The following SCHIP1 variants were observed in gnomAD, a reference collection of about 807,000 sequenced individuals.
SCHIP1 encodes the protein schwannomin-interacting protein 1.
SCHIP1 carries 8 observed loss-of-function variants against 29.7 expected under a neutral mutation model. The ratio of observed to expected loss-of-function variants is 0.27; its 90% CI spans 0.16 to 0.49. SCHIP1 has a LOEUF of 0.49. Among genes scored for constraint, SCHIP1 ranks in the 20% least tolerant of loss-of-function variants. SCHIP1 has a pLI of 0.99. For missense variants in SCHIP1, 193 were observed against 294.6 expected (o/e 0.66, Z 2.52); for synonymous variants, 76 against 94.9 (o/e 0.80, Z 1.16).
chr3:159,799,218 G>GCACT, the SCHIP1 span, among the ~76,000 whole-genome samples: 29 of 152,310 alleles, frequency 1.9e-4, no homozygotes, highest in South Asian at 6.0e-3. Flanking sequence ...CACCACTGGG[G>GCACT]CACTCAGACA....
the SCHIP1 span, among the ~76,000 whole-genome samples, chr3:159,717,434 T>A: frequency 2.0e-5 from 3 of 151,942 alleles, no homozygotes; most frequent in African/African-American, 4.8e-5. Context: ...AATCAATGAA[T>A]CCAGGAGCTG....
chr3:159,365,052 T>G, the SCHIP1 span, among the ~76,000 whole-genome samples: 2 of 152,172 alleles, frequency 1.3e-5, no homozygotes, highest in Non-Finnish European at 2.9e-5. Flanking sequence ...GTATTTTATT[T>G]CATGGCAAGA....
At chr3:159,670,385 CT>C in the SCHIP1 span, among the ~76,000 whole-genome samples, 1 of 152,132 alleles carries the variant, frequency 6.6e-6, no homozygotes, top group African/African-American at 2.4e-5. Context: ...TTTCATTGCA[CT>C]TTTACAAAGT....
the SCHIP1 span, among the ~76,000 whole-genome samples, chr3:159,353,135 C>T: frequency 3.4e-4 from 51 of 151,914 alleles, no homozygotes; most frequent in African/African-American, 1.2e-3. Flanking sequence ...AGCTAGTTGC[C>T]CCTGTACATT....
chr3:159,664,460 G>A, the SCHIP1 span, among the ~76,000 whole-genome samples: 1 of 148,924 alleles, frequency 6.7e-6, no homozygotes. Context: ...AACAGCCATA[G>A]TTTTTTTTTT....
At chr3:159,621,457 T>G in the SCHIP1 span, among the ~76,000 whole-genome samples, 1 of 152,190 alleles carries the variant, frequency 6.6e-6, no homozygotes, top group African/African-American at 2.4e-5. Flanking sequence ...AACTCAAATA[T>G]CTCCAACTCT....
At chr3:159,479,504 G>C in the SCHIP1 span, among the ~76,000 whole-genome samples, 1 of 152,084 alleles carries the variant, frequency 6.6e-6, no homozygotes, top group Admixed American at 6.6e-5. Context: ...TTTCACATAC[G>C]GTCAGATCAA....
the SCHIP1 span, among the ~76,000 whole-genome samples, chr3:159,604,109 A>T: frequency 1.3e-5 from 2 of 152,168 alleles, no homozygotes; most frequent in Non-Finnish European, 2.9e-5. Context: ...GCACCCCATG[A>T]TCTAGTACAG....
At chr3:159,383,520 A>G in the SCHIP1 span, among the ~76,000 whole-genome samples, 7 of 151,362 alleles carry the variant, frequency 4.6e-5, no homozygotes. Context: ...GCCTTGTAGT[A>G]TAGTTTGAAG....
chr3:159,792,491 T>C, the SCHIP1 span, among the ~76,000 whole-genome samples: 1 of 152,258 alleles, frequency 6.6e-6, no homozygotes, highest in Non-Finnish European at 1.5e-5. Flanking sequence ...GTTGTTATTA[T>C]TTTGATAATC....
the SCHIP1 span, among the ~76,000 whole-genome samples, chr3:159,439,493 C>T: frequency 3.3e-5 from 5 of 152,216 alleles, no homozygotes; most frequent in African/African-American, 1.2e-4. Flanking sequence ...ATTCAATTAC[C>T]TCCAGATGGT....
intron 2 of SCHIP1, among the ~76,000 whole-genome samples, chr3:159,878,646 C>T (rs1436974573): frequency 4.0e-5 from 6 of 148,862 alleles, no homozygotes; most frequent in Admixed American, 4.0e-4. Context: ...GGCGTAGTGG[C>T]GGGCGCCTGT....
chr3:159,657,637 G>T, the SCHIP1 span, among the ~76,000 whole-genome samples: 1 of 152,240 alleles, frequency 6.6e-6, no homozygotes, highest in African/African-American at 2.4e-5. Context: ...AGCGATGAGG[G>T]CCCTGAACCT....
At chr3:159,491,967 A>G in the SCHIP1 span, among the ~76,000 whole-genome samples, 103,890 of 152,070 alleles carry the variant, frequency 0.68, 36,120 homozygotes, top group African/African-American at 0.81. Context: ...TGCAGTCACC[A>G]CTGCTGAAAC....
At chr3:159,391,173 C>A in the SCHIP1 span, among the ~76,000 whole-genome samples, 1 of 152,270 alleles carries the variant, frequency 6.6e-6, no homozygotes, top group African/African-American at 2.4e-5. Context: ...TTATAGTGGA[C>A]ATGTTTCTAC....
chr3:159,834,066 A>G, the SCHIP1 span, among the ~76,000 whole-genome samples: 3 of 151,270 alleles, frequency 2.0e-5, no homozygotes, highest in Admixed American at 2.0e-4. Flanking sequence ...GAAAACATCC[A>G]TTTCTCTTCC....
the SCHIP1 span, among the ~76,000 whole-genome samples, chr3:159,431,931 G>T: frequency 6.6e-6 from 1 of 152,150 alleles, no homozygotes; most frequent in East Asian, 1.9e-4. Context: ...TTAGTTTTAG[G>T]TCATTTACCT....
At chr3:159,495,557 G>A in the SCHIP1 span, among the ~76,000 whole-genome samples, 1 of 152,194 alleles carries the variant, frequency 6.6e-6, no homozygotes, top group East Asian at 1.9e-4. Flanking sequence ...CAAGGGATGT[G>A]AAGGACCTCT....
At chr3:159,433,893 A>G in the SCHIP1 span, among the ~76,000 whole-genome samples, 1 of 152,138 alleles carries the variant, frequency 6.6e-6, no homozygotes, top group East Asian at 1.9e-4. Context: ...TAAGACTGAT[A>G]AACACCTGTC....
Sources: allele counts gnomAD v4.1 joint callset (sites outside exome capture counted in the v4.1 genomes callset), GRCh38; gene constraint gnomAD v4.1.1; transcripts MANE v1.5; gene names NCBI Gene and HGNC (gene_info 2026-07-23, HGNC 2026-07-21).